PDZD2: variants seen among roughly 807,000 people sequenced by gnomAD.
PDZD2 encodes PDZ domain-containing protein 2.
In PDZD2, 90 loss-of-function variants were observed where a neutral mutation model predicts 220.7. That is an observed-to-expected ratio of 0.41 (90% CI 0.34 to 0.49). The LOEUF (loss-of-function observed/expected upper bound fraction) is 0.49, where lower values mean the gene tolerates loss of function less well. Ranked by LOEUF, PDZD2 falls within the 20% of genes least tolerant of loss-of-function variation. The pLI is 0.28. For synonymous variants in PDZD2, 1,375 were observed against 1,450.5 expected (o/e 0.95, Z 1.18); for missense variants, 3,174 against 3,608.5 (o/e 0.88, Z 3.08).
chr5:32,054,889 G>C (rs1199981936), intron 10 of PDZD2, among the ~76,000 whole-genome samples: 1 of 152,142 alleles, frequency 6.6e-6, no homozygotes, highest in African/African-American at 2.4e-5. Flanking sequence ...ACAGAAAAGT[G>C]ACACTCAGAA....
chr5:32,028,608 C>G (rs1159489114), intron 6 of PDZD2, among the ~76,000 whole-genome samples: 1 of 151,528 alleles, frequency 6.6e-6, no homozygotes, highest in African/African-American at 2.4e-5. Context: ...TAAAAAAAAC[C>G]AAAGCCCTTA....
chr5:31,682,348 C>T (rs1464469908), intron 1 of PDZD2, among the ~76,000 whole-genome samples: 1 of 152,166 alleles, frequency 6.6e-6, no homozygotes, highest in Non-Finnish European at 1.5e-5. Context: ...TTAGGGCAAA[C>T]TGTCCCCCGG....
Position 31,867,217 on chromosome 5 carries a change from C to T in PDZD2, c.476+67493C>T, listed in dbSNP as rs182281576. ...CAAACCAGAAAGTCATGCTCTTGAG[C>T]TCATAAAAAAACCTAATGGGATGCA... is the stretch of plus-strand genomic sequence containing the variant. On this transcript the variant is annotated intron_variant, in intron 2 of 24. Transcript: ENST00000438447. Among the ~76,000 whole-genome samples, 36 of 152,186 alleles carry T rather than the reference C, an allele frequency of 2.4e-4. No homozygotes were observed. In the East Asian group the frequency reaches 6.0e-3, roughly 25 times the overall value.
chr5:31,972,342 G>A (rs1351587666), intron 2 of PDZD2, among the ~76,000 whole-genome samples: 1 of 152,106 alleles, frequency 6.6e-6, no homozygotes, highest in East Asian at 1.9e-4. Context: ...TTGAACTCCT[G>A]AGTTCAAATG....
chr5:31,791,769 TCC>T (rs1363517453), intron 1 of PDZD2, among the ~76,000 whole-genome samples: 1 of 152,136 alleles, frequency 6.6e-6, no homozygotes. Context: ...GTCAACACTT[TCC>T]AGTCCGCAAC....
chr5:31,701,028 G>A (rs1259078318), intron 1 of PDZD2, among the ~76,000 whole-genome samples: 3 of 152,218 alleles, frequency 2.0e-5, no homozygotes, highest in Admixed American at 2.0e-4. Flanking sequence ...AGGGGGGACA[G>A]GTGTGCTTCC....
chr5:32,049,205 C>G (rs1298554630), intron 8 of PDZD2, among the ~76,000 whole-genome samples: 1 of 152,162 alleles, frequency 6.6e-6, no homozygotes, highest in Non-Finnish European at 1.5e-5. Context: ...AGAACCTGCT[C>G]CCGTCTGAGA....
chr5:32,000,344 CCA>C lies in PDZD2; in HGVS notation c.1254+86_1254+87del, dbSNP rs149074871. On this transcript the variant is annotated intron_variant, in intron 5 of 24. Transcript: ENST00000438447. This position sits in a 1 kb window ranked among gnomAD's most constrained non-coding sequence, Gnocchi z 4.5. Reference sequence around the variant, plus strand: ...TTGGGGTTGAGCCCCACCTCCCATGCCACACACACACACAAAGACATGTGTGC... The same window carrying C: ...TTGGGGTTGAGCCCCACCTCCCATGCCACACACACACAAAGACATGTGTGC... The C allele has an allele frequency of 1.4e-3, 1,847 of 1,348,390 alleles. No individual in the cohort carries two copies. Among genetic ancestry groups the C allele is most frequent in the Non-Finnish European group, 1.6e-3 (1,559 of 962,996 alleles). The allele number at this position is 1,348,390 out of a possible 1,614,324, so 83.5% of individuals were successfully genotyped here.
At chr5:31,651,994 A>T (rs112539568) in intron 1 of PDZD2, among the ~76,000 whole-genome samples, 1,476 of 130,204 alleles carry the variant, frequency 0.011, 10 homozygotes, top group Middle Eastern at 0.046. Context: ...TAATTTTTGT[A>T]TTTTTTTTTT....
chr5:32,060,066 C>G (rs2112339375), intron 13 of PDZD2, among the ~76,000 whole-genome samples: 1 of 152,216 alleles, frequency 6.6e-6, no homozygotes, highest in Middle Eastern at 3.4e-3. Flanking sequence ...ACTTCCAAGT[C>G]CTTTAGTGGT....
intron 14 of PDZD2, among the ~76,000 whole-genome samples, chr5:32,065,157 A>C (rs1740105013): frequency 6.6e-6 from 1 of 151,908 alleles, no homozygotes; most frequent in African/African-American, 2.4e-5. Context: ...AAAATTAGCC[A>C]GTGTAGTGGT....
chr5:31,959,352 T>TA (rs1173701529), intron 2 of PDZD2, among the ~76,000 whole-genome samples: 2 of 150,666 alleles, frequency 1.3e-5, no homozygotes, highest in Non-Finnish European at 2.9e-5. Context: ...CAAGACCACT[T>TA]ATTGTGAAAA....
At chr5:31,947,906 C>A (rs1746795836) in intron 2 of PDZD2, among the ~76,000 whole-genome samples, 1 of 151,740 alleles carries the variant, frequency 6.6e-6, no homozygotes, top group Admixed American at 6.6e-5. Context: ...GAAGGAAGGC[C>A]AAGCGAACAA....
In PDZD2 at chr5:32,109,018, A is replaced by C. The variant is rs1745097027; in HGVS notation, c.*883A>C. The C allele has an allele frequency of 3.5e-5, 5 of 141,486 alleles. No individual in the cohort carries two copies. In the Admixed American group the frequency reaches 3.8e-4, roughly 11 times the overall value. 8.8% of individuals were successfully genotyped at this position (141,486 alleles called of 1,614,324 possible). On this transcript the variant is annotated 3_prime_UTR_variant, in exon 25 of 25. Coordinates refer to ENST00000438447, the MANE Select transcript of PDZD2 (RefSeq NM_178140.4). Reference sequence around the variant, plus strand: ...GCTTGAATTCAAGACTGGTCAGTCCAAGAGCAGACAAAAATATCACAAGTC... The same window carrying C: ...GCTTGAATTCAAGACTGGTCAGTCCCAGAGCAGACAAAAATATCACAAGTC...
intron 2 of PDZD2, among the ~76,000 whole-genome samples, chr5:31,807,653 C>T (rs542433322): frequency 3.9e-5 from 6 of 152,268 alleles, no homozygotes; most frequent in South Asian, 2.1e-4. Context: ...GAGCGAGTGG[C>T]GTGGCATGGG....
intron 21 of PDZD2, among the ~76,000 whole-genome samples, chr5:32,097,075 C>T (rs1300501850): frequency 6.6e-6 from 1 of 152,116 alleles, no homozygotes; most frequent in Non-Finnish European, 1.5e-5. Context: ...GATCCGCCCC[C>T]TTGGCTTCCC....
At chr5:31,986,717 A>G (rs1336740183) in intron 3 of PDZD2, among the ~76,000 whole-genome samples, 2 of 152,090 alleles carry the variant, frequency 1.3e-5, no homozygotes, top group Non-Finnish European at 2.9e-5. Flanking sequence ...GTATTTTTCC[A>G]TTTCTGTCTT....
chr5:31,758,100 G>A (rs757656664), intron 1 of PDZD2, among the ~76,000 whole-genome samples: 9 of 152,334 alleles, frequency 5.9e-5, no homozygotes, highest in East Asian at 3.9e-4. Context: ...TGGCAGCTCC[G>A]TCCAAGAGCT....
intron 2 of PDZD2, among the ~76,000 whole-genome samples, chr5:31,920,156 C>T (rs957451832): frequency 1.9e-4 from 29 of 151,778 alleles, no homozygotes; most frequent in Non-Finnish European, 2.4e-4. Flanking sequence ...TAGTGGCACG[C>T]ACCTATAATC....
Sources: gnomAD v4.1 joint callset for allele counts (sites outside exome capture counted in the v4.1 genomes callset) on GRCh38, gnomAD v4.1.1 for gene constraint, Gnocchi (gnomAD v3.1) non-coding constraint, MANE v1.5 for transcripts, NCBI Gene and HGNC (gene_info 2026-07-23, HGNC 2026-07-21) for gene names.